The following TENM2 variants were observed in gnomAD, a reference collection of about 807,000 sequenced individuals.
The protein encoded by TENM2 is teneurin transmembrane protein 2.
Under a neutral mutation model 245.2 loss-of-function variants are expected in TENM2, and 52 were observed. The observed-to-expected ratio is 0.21, with a 90% confidence interval of 0.17 to 0.27. The LOEUF is 0.27. Among genes scored for constraint, TENM2 ranks in the 10% least tolerant of loss-of-function variants. The pLI is 1.00. For synonymous variants in TENM2, 1,363 were observed against 1,438.9 expected (o/e 0.95, Z 1.19); for missense variants, 3,046 against 3,666.8 (o/e 0.83, Z 4.37).
chr5:167,693,045 C>A (rs1399688817), intron 2 of TENM2, among the ~76,000 whole-genome samples: 5 of 152,212 alleles, frequency 3.3e-5, no homozygotes, highest in African/African-American at 9.7e-5. Flanking sequence ...GGGCATTTTA[C>A]ATAGCCTTTG....
At chr5:167,654,436 C>T (rs1489524435) in intron 2 of TENM2, among the ~76,000 whole-genome samples, 1 of 151,918 alleles carries the variant, frequency 6.6e-6, no homozygotes, top group Non-Finnish European at 1.5e-5. Context: ...CCCTGGGCAC[C>T]TCACTTGCTT....
intron 2 of TENM2, among the ~76,000 whole-genome samples, chr5:167,776,193 A>ACACAC (rs1554115645): frequency 3.3e-5 from 5 of 151,768 alleles, no homozygotes; most frequent in Non-Finnish European, 7.4e-5. Flanking sequence ...ACACACACAG[A>ACACAC]AGAGAAGCAT....
intron 2 of TENM2, among the ~76,000 whole-genome samples, chr5:167,435,170 A>G (rs1317015972): frequency 6.6e-6 from 1 of 152,178 alleles, no homozygotes; most frequent in Non-Finnish European, 1.5e-5. Flanking sequence ...GAAAGGAATA[A>G]TGTAATCAGA....
chr5:167,332,673 G>C (rs1409026357), intron 1 of TENM2, among the ~76,000 whole-genome samples: 1 of 152,086 alleles, frequency 6.6e-6, no homozygotes, highest in Non-Finnish European at 1.5e-5. Flanking sequence ...AATTTTATTT[G>C]CTTGTACTGG....
At chr5:167,876,792 G>A (rs903526127) in intron 3 of TENM2, among the ~76,000 whole-genome samples, 1 of 152,062 alleles carries the variant, frequency 6.6e-6, no homozygotes, top group African/African-American at 2.4e-5. Flanking sequence ...ACAAGTTGGT[G>A]GTGTGGTACT....
intron 2 of TENM2, among the ~76,000 whole-genome samples, chr5:167,646,818 A>T (rs373694664): frequency 2.0e-5 from 3 of 152,230 alleles, no homozygotes; most frequent in African/African-American, 7.2e-5. Flanking sequence ...GGCAAGCCAG[A>T]TGGCTCATGA....
upstream of TENM2, chr5:167,284,748 TC>T: frequency 1.0e-6 from 1 of 955,986 alleles, no homozygotes. Flanking sequence ...TTGGGTTTTT[TC>T]TTCTATGTTT....
chr5:168,226,291 C>T, intron 24 of TENM2, 28 bp downstream of exon 26: 1 of 1,600,778 alleles, frequency 6.2e-7, no homozygotes, highest in South Asian at 1.1e-5. Context: ...CCATCCTACC[C>T]CCAAACTCAC....
intron 3 of TENM2, among the ~76,000 whole-genome samples, chr5:167,909,302 G>T (rs1291346064): frequency 6.6e-6 from 1 of 151,932 alleles, no homozygotes; most frequent in South Asian, 2.1e-4. Flanking sequence ...TACTTTCACG[G>T]TATTAACTAC....
chr5:167,767,704 T>A (rs1454658251), intron 2 of TENM2, among the ~76,000 whole-genome samples: 1 of 152,230 alleles, frequency 6.6e-6, no homozygotes, highest in Non-Finnish European at 1.5e-5. Flanking sequence ...AGGCAGAGAA[T>A]CTCAGGATTT....
At chr5:167,629,031 GTACTAAGC>G (rs1204449786) in intron 2 of TENM2, among the ~76,000 whole-genome samples, 2 of 152,096 alleles carry the variant, frequency 1.3e-5, no homozygotes, top group African/African-American at 4.8e-5. Flanking sequence ...TGTAAGTCAG[GTACTAAGC>G]TATATTAACC....
chr5:167,889,849 G>T (rs1392591127), intron 3 of TENM2, among the ~76,000 whole-genome samples: 3 of 152,094 alleles, frequency 2.0e-5, no homozygotes, highest in Non-Finnish European at 4.4e-5. Context: ...AAACTGGTTA[G>T]AATATAAAAG....
At chr5:167,141,631 C>T in the TENM2 span, among the ~76,000 whole-genome samples, 2 of 152,200 alleles carry the variant, frequency 1.3e-5, no homozygotes, top group Non-Finnish European at 2.9e-5. Context: ...TTGGGACTCT[C>T]ATAATGAATT....
At chr5:168,035,086 A>C (rs1056921832) in intron 5 of TENM2, among the ~76,000 whole-genome samples, 1 of 152,222 alleles carries the variant, frequency 6.6e-6, no homozygotes, top group African/African-American at 2.4e-5. Flanking sequence ...GTGCAAAAAA[A>C]ATCTTTTTAC....
At chr5:167,317,812 G>A (rs960114477) in intron 1 of TENM2, among the ~76,000 whole-genome samples, 4 of 152,214 alleles carry the variant, frequency 2.6e-5, no homozygotes, top group African/African-American at 4.8e-5. Context: ...CATTGTGTGG[G>A]TGTGAGTGTC....
At chr5:167,513,035 A>G (rs1160113033) in intron 2 of TENM2, among the ~76,000 whole-genome samples, 3 of 152,202 alleles carry the variant, frequency 2.0e-5, no homozygotes, top group Non-Finnish European at 4.4e-5. Flanking sequence ...ATATGATTTT[A>G]TTGTGGAAGA....
chr5:167,036,198 G>A, the TENM2 span, among the ~76,000 whole-genome samples: 46 of 152,318 alleles, frequency 3.0e-4, no homozygotes, highest in African/African-American at 1.1e-3. Context: ...AGTCTGGGAG[G>A]AGGAATTCTA....
At chr5:168,206,607 G>C (rs970474800) in intron 19 of TENM2, among the ~76,000 whole-genome samples, 2 of 152,196 alleles carry the variant, frequency 1.3e-5, no homozygotes, top group African/African-American at 4.8e-5. Context: ...AGGCCAGGTA[G>C]CCCTCACGCT....
At chr5:167,640,899 ATATAT>A (rs1779561907) in intron 2 of TENM2, among the ~76,000 whole-genome samples, 14 of 93,124 alleles carry the variant, frequency 1.5e-4, no homozygotes, top group African/African-American at 5.9e-4. Context: ...ATATATATAT[ATATAT>A]ATCTTTCTCT....
Sources: allele counts gnomAD v4.1 joint callset (sites outside exome capture counted in the v4.1 genomes callset), GRCh38; gene constraint gnomAD v4.1.1; transcripts MANE v1.5; gene names NCBI Gene and HGNC (gene_info 2026-07-23, HGNC 2026-07-21).